Variants in GREB1 observed in about 807,000 individuals in gnomAD.
GREB1 encodes protein GREB1.
A neutral mutation model predicts 200.7 loss-of-function variants in GREB1; 106 were observed. The observed-to-expected ratio is 0.53, with a 90% CI of 0.45 to 0.62. The LOEUF is 0.62. GREB1 is among the 20% of genes least tolerant of loss of function. The pLI is 0.00. For synonymous variants in GREB1, 1,132 were observed against 1,092.4 expected (o/e 1.04, Z -0.72); for missense variants, 2,243 against 2,556.8 (o/e 0.88, Z 2.65).
Position 11,633,742 on chromosome 2 carries a change from C to T in GREB1, c.4992-389C>T, listed in dbSNP as rs528150339. ...TAAGAAAGGGACATTGCTGCCCCCCCAGAAACTCCCTTCCTGCTGCCCCAG... is the reference window on the plus strand; with the variant it reads ...TAAGAAAGGGACATTGCTGCCCCCCTAGAAACTCCCTTCCTGCTGCCCCAG... On this transcript the variant is annotated intron_variant, in intron 28 of 32. Transcript: ENST00000381486. This position sits in a 1 kb window ranked among gnomAD's most constrained non-coding sequence, Gnocchi z 4.1. 3.3e-4 allele frequency among the ~76,000 whole-genome samples: 50 copies of T among 152,272 alleles called. No individual in the cohort carries two copies. The highest frequency in any genetic ancestry group is 8.4e-4 in the African/African-American group (35 of 41,550).
chr2:11,488,212 T>C (rs899266736), intron 1 of GREB1, among the ~76,000 whole-genome samples: 3 of 152,170 alleles, frequency 2.0e-5, no homozygotes, highest in South Asian at 2.1e-4. Flanking sequence ...CGGGGGGTGG[T>C]GACCAGCAGT....
Position 11,566,490 on chromosome 2 carries a change from G to C in GREB1, c.288G>C (p.Gln96His). ...GTCCACCCCTCCTAGGGTTTTGCCA[G>C]GCCGGGAAGGACCTGCGCCTTGTCT... ...EGCCTTDGFC[Q>H]AGKDLRLVSI... The change falls in exon 4 of 33, where the codon CAG becomes CAC. Residue 96 changes from glutamine (Q) to histidine (H), a missense_variant. Gln to His is a conservative substitution (Grantham distance 24). Around this residue, in one of 3 missense-constraint regions of GREB1, gnomAD observed 1,178 missense variants for 1,387.4 expected, o/e 0.85. Coordinates refer to ENST00000381486, the MANE Select transcript of GREB1 (RefSeq NM_014668.4). 6.2e-7 allele frequency: 1 copy of C among 1,609,180 alleles called. No individual in the cohort carries two copies. The highest frequency in any genetic ancestry group is 8.5e-7 in the Non-Finnish European group (1 of 1,177,212).
At chr2:11,561,575 G>C (rs950641040) in intron 2 of GREB1, 2 of 152,000 alleles carry the variant, frequency 1.3e-5, no homozygotes, top group African/African-American at 4.8e-5. Context: ...ATGTTGGCCA[G>C]GCTGGTCTCG....
chr2:11,587,672 T>G (rs1436148867), intron 9 of GREB1: 1 of 1,330,576 alleles, frequency 7.5e-7, no homozygotes, highest in Admixed American at 3.4e-5. Context: ...GGTGACTAAA[T>G]GGAGTACCTG....
chr2:11,535,379 C>G (rs1342823047), intron 1 of GREB1, among the ~76,000 whole-genome samples: 1 of 144,724 alleles, frequency 6.9e-6, no homozygotes, highest in East Asian at 2.0e-4. Flanking sequence ...AAATACCTCA[C>G]CCCACTTATT....
chr2:11,531,042 A>T (rs1674055211), upstream of GREB1, among the ~76,000 whole-genome samples: 1 of 152,108 alleles, frequency 6.6e-6, no homozygotes, highest in Non-Finnish European at 1.5e-5. Flanking sequence ...CCAGGGAGAA[A>T]GAGTTCCCTA....
At chr2:11,591,296 A>C in intron 10 of GREB1, 1 of 701,144 alleles carries the variant, frequency 1.4e-6, no homozygotes. Context: ...GTTATGCATC[A>C]GGAAACCATG....
chr2:11,542,442 C>T (rs1674849441), intron 1 of GREB1, among the ~76,000 whole-genome samples: 1 of 152,164 alleles, frequency 6.6e-6, no homozygotes, highest in South Asian at 2.1e-4. Flanking sequence ...TGCAGATCCA[C>T]TCTCCCGTAA....
chr2:11,566,318 A>G (rs1005933805), intron 3 of GREB1, among the ~76,000 whole-genome samples, 162 bp from the exon 4 acceptor site: 2 of 151,908 alleles, frequency 1.3e-5, no homozygotes, highest in African/African-American at 4.8e-5. Context: ...TGCCCAGCCA[A>G]CTAAGATTAT....
intron 7 of GREB1, among the ~76,000 whole-genome samples, chr2:11,583,730 G>A (rs1404101570): frequency 1.3e-5 from 2 of 152,012 alleles, no homozygotes; most frequent in African/African-American, 4.8e-5. Context: ...GTGGTGGTGC[G>A]CGCTTGTAAT....
intron 1 of GREB1, among the ~76,000 whole-genome samples, chr2:11,545,185 G>A (rs1453961566): frequency 6.6e-6 from 1 of 151,972 alleles, no homozygotes; most frequent in African/African-American, 2.4e-5. Flanking sequence ...TCCCGGGCTG[G>A]AGGGCAATGG....
chr2:11,488,605 AC>A (rs1672709778), intron 1 of GREB1, among the ~76,000 whole-genome samples: 1 of 152,076 alleles, frequency 6.6e-6, no homozygotes, highest in Middle Eastern at 3.2e-3. Context: ...AGCCTGGCCA[AC>A]ATGGTGAAAC....
chr2:11,500,436 G>A (rs950021278), intron 1 of GREB1, among the ~76,000 whole-genome samples: 6 of 150,944 alleles, frequency 4.0e-5, no homozygotes, highest in East Asian at 2.0e-4. Context: ...TGGGATTACC[G>A]GCGTAAGCCA....
At chr2:11,503,582 C>T (rs1235794883) in intron 1 of GREB1, among the ~76,000 whole-genome samples, 1 of 152,140 alleles carries the variant, frequency 6.6e-6, no homozygotes, top group Admixed American at 6.5e-5. Context: ...TAGGCACTGC[C>T]AAATTGCTCG....
At chr2:11,500,535 C>G (rs1673008152) in intron 1 of GREB1, among the ~76,000 whole-genome samples, 1 of 151,978 alleles carries the variant, frequency 6.6e-6, no homozygotes, top group Admixed American at 6.6e-5. Flanking sequence ...AACTCCTGAC[C>G]TCAAGTGATC....
intron 4 of GREB1, among the ~76,000 whole-genome samples, chr2:11,574,699 G>T (rs1246624941): frequency 2.6e-5 from 4 of 152,210 alleles, no homozygotes; most frequent in African/African-American, 9.6e-5. Flanking sequence ...GGCCTCTCTG[G>T]TTCTCTGATT....
intron 1 of GREB1, among the ~76,000 whole-genome samples, chr2:11,498,557 G>A (rs1672948252): frequency 6.6e-6 from 1 of 152,152 alleles, no homozygotes; most frequent in Non-Finnish European, 1.5e-5. Context: ...TTCAGCTTCG[G>A]GACACCGTGA....
At chr2:11,573,013 A>G (rs1019130058) in intron 4 of GREB1, among the ~76,000 whole-genome samples, 33 of 152,338 alleles carry the variant, frequency 2.2e-4, no homozygotes, top group Middle Eastern at 3.4e-3. Context: ...TAGGTGCACT[A>G]TGAAGCCGCT....
At chr2:11,568,191 G>A (rs1021120486) in intron 4 of GREB1, among the ~76,000 whole-genome samples, 1 of 152,170 alleles carries the variant, frequency 6.6e-6, no homozygotes, top group African/African-American at 2.4e-5. Flanking sequence ...CCAGTTTTGC[G>A]CTTGATACAG....
Sources: allele counts gnomAD v4.1 joint callset (sites outside exome capture counted in the v4.1 genomes callset), GRCh38; gene constraint gnomAD v4.1.1; regional missense constraint gnomAD v4.1.1; non-coding constraint Gnocchi (gnomAD v3.1); transcripts MANE v1.5; gene names NCBI Gene and HGNC (gene_info 2026-07-23, HGNC 2026-07-21).